The following TYRO3 variants were observed in gnomAD, a reference collection of about 807,000 sequenced individuals.
TYRO3 encodes TYRO3 protein tyrosine kinase, also known as tyrosine-protein kinase receptor TYRO3.
Under a neutral mutation model 95.2 loss-of-function variants are expected in TYRO3, and 38 were observed. The ratio of observed to expected loss-of-function variants is 0.40; its 90% CI spans 0.31 to 0.52. The LOEUF is 0.52. Among genes scored for constraint, TYRO3 ranks in the 20% least tolerant of loss-of-function variants. The pLI is 0.56. For missense variants in TYRO3, 812 were observed against 1,116.4 expected, an observed-to-expected ratio of 0.73 and a Z score of 3.89; for synonymous variants, 367 against 432.9, an observed-to-expected ratio of 0.85 and a Z score of 1.89.
intron 4 of TYRO3, among the ~76,000 whole-genome samples, chr15:41,563,206 G>A (rs1171940454): frequency 2.0e-5 from 3 of 152,098 alleles, no homozygotes; most frequent in Non-Finnish European, 1.5e-5. Flanking sequence ...GGCGCTTTCC[G>A]GGAAACCTCC....
intron 18 of TYRO3, among the ~76,000 whole-genome samples, chr15:41,575,011 G>A (rs531382043): frequency 2.0e-5 from 3 of 152,344 alleles, no homozygotes; most frequent in Admixed American, 6.5e-5. Flanking sequence ...GAGCCACCAC[G>A]CCCAGCCCAG....
chr15:41,564,830 C>T (rs2140821623), intron 5 of TYRO3, 196 bp from the exon 6 acceptor site: 1 of 575,680 alleles, frequency 1.7e-6, no homozygotes, highest in Non-Finnish European at 3.2e-6. Flanking sequence ...ACAGCCCAGG[C>T]ACTCTCCCAG....
rs757804713 is a variant in TYRO3, at chr15:41,573,726, G to A, written c.2193G>A (p.Thr731=). The change falls in exon 18 of 19, where the codon ACG becomes ACA. Residue 731 remains threonine, a synonymous_variant. Coordinates refer to ENST00000263798, the MANE Select transcript of TYRO3 (RefSeq NM_006293.4). Reference sequence around the variant, plus strand: ...GGGAGATCATGACACGTGGGCAGACGCCATATGCTGGCATCGAAAACGCTG... The same window carrying A: ...GGGAGATCATGACACGTGGGCAGACACCATATGCTGGCATCGAAAACGCTG... ...TMWEIMTRGQ[T]PYAGIENAEI... The A allele has an allele frequency of 6.2e-6, 10 of 1,614,142 alleles. No individual in the cohort carries two copies. The highest frequency in any genetic ancestry group is 1.6e-4 in the Middle Eastern group (1 of 6,084).
intron 1 of TYRO3, among the ~76,000 whole-genome samples, chr15:41,560,771 G>C (rs917785373): frequency 6.6e-6 from 1 of 152,176 alleles, no homozygotes; most frequent in African/African-American, 2.4e-5. Flanking sequence ...GTGGAGAGCT[G>C]GCAGCCTGTT....
chr15:41,566,382 C>A (rs113239018), intron 6 of TYRO3, among the ~76,000 whole-genome samples: 3 of 151,524 alleles, frequency 2.0e-5, no homozygotes, highest in Non-Finnish European at 4.4e-5. Context: ...TTTGGCCACA[C>A]CCCTTTCCCC....
At position 41,561,508 on chromosome 15, in the gene TYRO3, C is replaced by T. The variant is rs189432849; in HGVS notation, c.309-31C>T. On this transcript the variant is annotated intron_variant, in intron 2 of 18. Transcript: ENST00000263798. The stretch of plus-strand genomic sequence containing the variant: ...CCAGCAGAGCTGCCGCCCTTGCCCT[C>T]GGAAGCAAGCCTCGTATCCTGTTTC... 1.9e-3 allele frequency: 2,585 copies of T among 1,347,134 alleles called. 38 individuals carry two copies. The South Asian group carries it at 0.021, about 11-fold the overall frequency. 83.4% of individuals were successfully genotyped at this position (1,347,134 alleles called of 1,614,324 possible).
chr15:41,561,097 G>T (rs1200602097), intron 1 of TYRO3, 30 bp from the exon 2 acceptor site: 1 of 1,613,626 alleles, frequency 6.2e-7, no homozygotes, highest in Admixed American at 1.7e-5. Context: ...TCCCTCTCAA[G>T]GCTGACACAT....
chr15:41,573,086 C>G lies in TYRO3; in HGVS notation c.1960C>G (p.Arg654Gly). The G allele has an allele frequency of 6.2e-7, 1 of 1,614,112 alleles. No individual in the cohort carries two copies. The highest frequency in any genetic ancestry group is 8.5e-7 in the Non-Finnish European group (1 of 1,180,044). The change falls in exon 16 of 19, where the codon CGA (arginine) becomes GGA (glycine). Residue 654 changes from arginine to glycine, a missense_variant. By Grantham distance (125) the Arg-to-Gly change is moderately radical (BLOSUM62 -2). Transcript: ENST00000263798. ...CCTGAGCTCTCGGAACTTCATCCAC[C>G]GAGACCTGGCTGCTCGGAATTGCAT... ...EYLSSRNFIHRDLAARNCMLA... is the reference protein window; with the variant it reads ...EYLSSRNFIHGDLAARNCMLA...
intron 6 of TYRO3, among the ~76,000 whole-genome samples, chr15:41,566,962 A>C (rs1385740727): frequency 2.0e-5 from 3 of 152,188 alleles, no homozygotes; most frequent in Non-Finnish European, 4.4e-5. Context: ...GTTTTCTCTG[A>C]GCTTCAGAAG....
At position 41,582,340 on chromosome 15, in the gene TYRO3, C is replaced by G. The variant is rs969629466; in HGVS notation, c.*4064C>G. 1 of 152,170 alleles carries G rather than the reference C, an allele frequency of 6.6e-6. No individual in the cohort carries two copies. The highest frequency in any genetic ancestry group is 1.5e-5 in the Non-Finnish European group (1 of 68,046). The allele number at this position is 152,170 out of a possible 1,614,324, so 9.4% of individuals were successfully genotyped here. A position where few individuals can be genotyped will look rare whatever the true frequency, so the allele number is the denominator to read the frequency against. Reference sequence around the variant, plus strand: ...CCAGCCTGGCTAACAGGGTGAAACCCTGTCTTTACTAAACCCTGTCTTTAC... The same window carrying G: ...CCAGCCTGGCTAACAGGGTGAAACCGTGTCTTTACTAAACCCTGTCTTTAC... On this transcript the variant is annotated 3_prime_UTR_variant, in exon 19 of 19. Coordinates refer to ENST00000263798, the MANE Select transcript of TYRO3 (RefSeq NM_006293.4).
chr15:41,561,777 C>A (rs1029468879), intron 3 of TYRO3, 138 bp downstream of exon 3: 25 of 610,306 alleles, frequency 4.1e-5, no homozygotes, highest in Non-Finnish European at 6.1e-5. Context: ...AGGCTGTAGG[C>A]CCACTCCAGA....
At chr15:41,563,553 G>A (rs2055683506) in intron 4 of TYRO3, among the ~76,000 whole-genome samples, 1 of 152,160 alleles carries the variant, frequency 6.6e-6, no homozygotes, top group Non-Finnish European at 1.5e-5. Context: ...GCAGATTAGA[G>A]AGGAGGTTGG....
intron 4 of TYRO3, among the ~76,000 whole-genome samples, chr15:41,562,936 G>T (rs149181636): frequency 9.1e-4 from 139 of 152,338 alleles, no homozygotes; most frequent in African/African-American, 3.3e-3. Flanking sequence ...TGTGCTTAAG[G>T]AGGGTGTGGG....
Position 41,570,014 on chromosome 15 carries a change from C to G in TYRO3, c.1253-13C>G. On this transcript the variant is annotated splice_polypyrimidine_tract_variant and intron_variant, in intron 9 of 18. Transcript: ENST00000263798. The stretch of plus-strand genomic sequence containing the variant: ...GTCATCCTAGCTCATGCCACTGCAC[C>G]TCCCTCCCACAGGCCAGCAGGGCCC... 6.2e-7 allele frequency: 1 copy of G among 1,610,848 alleles called. No homozygotes were observed. The highest frequency in any genetic ancestry group is 8.5e-7 in the Non-Finnish European group (1 of 1,179,434).
intron 1 of TYRO3, among the ~76,000 whole-genome samples, chr15:41,560,428 T>TGTGTGTGTGTGCGCGCGC (rs1408766845): frequency 6.7e-5 from 9 of 135,314 alleles, no homozygotes; most frequent in Non-Finnish European, 9.4e-5. Context: ...TGTGTGTGTG[T>TGTGTGTGTGTGCGCGCGC]GCGCGCGCGC....
Position 41,578,294 on chromosome 15 carries a change from T to G in TYRO3, c.*18T>G, listed in dbSNP as rs760653757. On this transcript the variant is annotated 3_prime_UTR_variant, in exon 19 of 19. Coordinates refer to ENST00000263798, the MANE Select transcript of TYRO3 (RefSeq NM_006293.4). ...GCTGTTAGCCCACAGGCAGAGGGCA[T>G]CGGGGCCATTTGGCCGGCTCTGGTG... The G allele has an allele frequency of 3.1e-6, 5 of 1,612,900 alleles. No individual in the cohort carries two copies. Among genetic ancestry groups the G allele is most frequent in the Non-Finnish European group, 3.4e-6 (4 of 1,179,912 alleles).
intron 9 of TYRO3, among the ~76,000 whole-genome samples, chr15:41,569,551 G>T (rs1327372830): frequency 2.0e-5 from 3 of 152,134 alleles, no homozygotes; most frequent in Non-Finnish European, 2.9e-5. Flanking sequence ...TGGAAGGATT[G>T]CTTGAGTCTA....
intron 6 of TYRO3, among the ~76,000 whole-genome samples, chr15:41,566,012 A>T (rs1389720156): frequency 6.6e-6 from 1 of 152,146 alleles, no homozygotes. Flanking sequence ...GGGCTCCACC[A>T]TTTAGAGAAC....
chr15:41,572,407 C>T (rs1220072935), intron 14 of TYRO3, 36 bp from the exon 15 acceptor site: 2 of 1,474,308 alleles, frequency 1.4e-6, no homozygotes, highest in African/African-American at 1.4e-5. Context: ...CCCCTTGACC[C>T]TTCTATGCTC....
Sources: gnomAD v4.1 joint callset for allele counts (sites outside exome capture counted in the v4.1 genomes callset) on GRCh38, gnomAD v4.1.1 for gene constraint, MANE v1.5 for transcripts, NCBI Gene and HGNC (gene_info 2026-07-23, HGNC 2026-07-21) for gene names.